The following GRM1 variants were observed in gnomAD, a reference collection of about 807,000 sequenced individuals.
GRM1 encodes the protein glutamate metabotropic receptor 1.
GRM1 carries 33 observed loss-of-function variants against 90.9 expected under a neutral mutation model. The ratio of observed to expected loss-of-function variants is 0.36; its 90% CI spans 0.28 to 0.49. The LOEUF is 0.49. Among genes scored for constraint, GRM1 ranks in the 20% least tolerant of loss-of-function variants. The probability of loss-of-function intolerance (pLI) is 0.99; values close to 1 mark genes in which losing one functional copy is unlikely to be tolerated. For synonymous variants in GRM1, 700 were observed against 613.2 expected (o/e 1.14, Z -2.09); for missense variants, 1,190 against 1,534.3 (o/e 0.78, Z 3.75).
chr6:146,414,704 C>A (rs1440256168), intron 7 of GRM1, among the ~76,000 whole-genome samples: 1 of 152,124 alleles, frequency 6.6e-6, no homozygotes, highest in Admixed American at 6.6e-5. Context: ...ACCTGGCCTG[C>A]CTTTTATTAT....
chr6:146,179,623 C>T (rs2038133), intron 2 of GRM1, among the ~76,000 whole-genome samples: 37,233 of 151,970 alleles, frequency 0.25, 7,897 homozygotes, highest in African/African-American at 0.58. Flanking sequence ...ACGCCATTCT[C>T]CTGCCTCAGC....
chr6:146,191,505 G>C (rs758823994), intron 2 of GRM1, among the ~76,000 whole-genome samples: 3 of 152,150 alleles, frequency 2.0e-5, no homozygotes, highest in Non-Finnish European at 4.4e-5. Flanking sequence ...TATTAAAAGT[G>C]GATTTGATTT....
chr6:146,109,418 G>C lies in GRM1; in HGVS notation c.701-49930G>C, dbSNP rs374813519. Among the ~76,000 whole-genome samples the C allele has an allele frequency of 3.3e-5, 5 of 152,320 alleles. No homozygotes were observed. In the East Asian group the frequency reaches 9.7e-4, roughly 29 times the overall value. On this transcript the variant is annotated intron_variant, in intron 1 of 7. Coordinates refer to ENST00000282753, the MANE Select transcript of GRM1 (RefSeq NM_001278064.2). ...CTTGGCAGCTTCCACCTGGTGTTTT[G>C]TTGAGCCTGCGAGTGCACAGAAGTC...
intron 2 of GRM1, among the ~76,000 whole-genome samples, chr6:146,181,199 G>T (rs1000386707): frequency 7.9e-5 from 12 of 151,668 alleles, no homozygotes; most frequent in African/African-American, 2.9e-4. Flanking sequence ...TTGGAAAGAG[G>T]CTAGGAAACT....
Position 146,214,082 on chromosome 6 carries a change from A to G in GRM1, c.950+54485A>G, listed in dbSNP as rs138260675. ...ATTTTTTTGCTCTATCCTGGGTCTC[A>G]GCTAATTGAATGGTGCCTGGCCACT... is the stretch of plus-strand genomic sequence containing the variant. On this transcript the variant is annotated intron_variant, in intron 2 of 7. Transcript: ENST00000282753. Among the ~76,000 whole-genome samples, 8 of 152,212 alleles carry G rather than the reference A, an allele frequency of 5.3e-5. No homozygotes were observed. In the East Asian group the frequency reaches 1.6e-3, roughly 29 times the overall value.
At chr6:146,370,870 C>T (rs927816637) in intron 5 of GRM1, among the ~76,000 whole-genome samples, 5 of 152,050 alleles carry the variant, frequency 3.3e-5, no homozygotes, top group African/African-American at 1.2e-4. Context: ...TATAGAGTGC[C>T]TAGCACATAG....
intron 1 of GRM1, among the ~76,000 whole-genome samples, chr6:146,064,006 G>A (rs1301906910): frequency 1.3e-5 from 2 of 152,066 alleles, no homozygotes; most frequent in Non-Finnish European, 2.9e-5. Context: ...TTCATATTTA[G>A]ATAACTAGAA....
chr6:146,184,527 C>T (rs567006998), intron 2 of GRM1, among the ~76,000 whole-genome samples: 2 of 151,958 alleles, frequency 1.3e-5, no homozygotes, highest in Non-Finnish European at 2.9e-5. Context: ...ATCAGAGTTT[C>T]GTTACTTAAC....
In GRM1 at chr6:146,043,685, A is replaced by G. The variant is rs9497447; in HGVS notation, c.700+13468A>G. Among the ~76,000 whole-genome samples, 532 of 151,102 alleles carry G rather than the reference A, an allele frequency of 3.5e-3. 3 individuals carry two copies. The highest frequency in any genetic ancestry group is 0.012 in the African/African-American group (513 of 41,350). On this transcript the variant is annotated intron_variant, in intron 1 of 7. Transcript: ENST00000282753. ...ACAGAATATATTCTAGCTTATGTGC[A>G]TAGATACTAGCTTCTTCCACCTTAC...
chr6:146,151,707 TCA>T (rs199904606), intron 1 of GRM1, among the ~76,000 whole-genome samples: 2,268 of 152,314 alleles, frequency 0.015, 33 homozygotes, highest in South Asian at 0.045. Context: ...TTTAGAGAAC[TCA>T]GAGTTGCAGC....
intron 2 of GRM1, among the ~76,000 whole-genome samples, chr6:146,208,235 G>T (rs1237676879): frequency 1.3e-5 from 2 of 152,138 alleles, no homozygotes; most frequent in African/African-American, 4.8e-5. Context: ...CATGATCCTT[G>T]TTGGTAACCC....
intron 5 of GRM1, among the ~76,000 whole-genome samples, chr6:146,373,521 A>G (rs1036696396): frequency 1.4e-4 from 21 of 152,064 alleles, no homozygotes; most frequent in South Asian, 2.1e-4. Context: ...CCATGAGTCA[A>G]TCGCCTCCCA....
chr6:146,343,424 A>C (rs1785052874), intron 3 of GRM1, among the ~76,000 whole-genome samples: 1 of 152,114 alleles, frequency 6.6e-6, no homozygotes, highest in Admixed American at 6.6e-5. Flanking sequence ...TATCTACATA[A>C]ATTATTTGAA....
intron 1 of GRM1, among the ~76,000 whole-genome samples, chr6:146,084,630 A>G (rs186888226): frequency 6.6e-6 from 1 of 152,160 alleles, no homozygotes; most frequent in Admixed American, 6.5e-5. Flanking sequence ...GTTCTTTTGC[A>G]TTTGCTAAGG....
At chr6:146,262,879 TAAAC>T (rs1562565530) in intron 2 of GRM1, among the ~76,000 whole-genome samples, 1 of 151,858 alleles carries the variant, frequency 6.6e-6, no homozygotes, top group Admixed American at 6.6e-5. Context: ...AATTTAATAA[TAAAC>T]AAAGGCAAAT....
rs17075811 is a variant in GRM1, at chr6:146,245,656, T to C, written c.951-58955T>C. Among the ~76,000 whole-genome samples the C allele has an allele frequency of 3.9e-3, 596 of 152,286 alleles. 19 individuals carry two copies. The East Asian group carries it at 0.094, about 24-fold the overall frequency. On this transcript the variant is annotated intron_variant, in intron 2 of 7. Coordinates refer to ENST00000282753, the MANE Select transcript of GRM1 (RefSeq NM_001278064.2). ...AAACATATAGTGAATACATTCATTT[T>C]CTCAGAGTGCCTACACTTCATAATT...
At chr6:146,119,161 T>A (rs1775882119) in intron 1 of GRM1, among the ~76,000 whole-genome samples, 1 of 152,222 alleles carries the variant, frequency 6.6e-6, no homozygotes, top group South Asian at 2.1e-4. Flanking sequence ...TATCTCATTG[T>A]GGTTTTGATT....
intron 5 of GRM1, among the ~76,000 whole-genome samples, chr6:146,382,539 AG>A (rs1356524813): frequency 1.3e-5 from 2 of 152,088 alleles, no homozygotes; most frequent in East Asian, 3.9e-4. Context: ...AGTGACATGG[AG>A]GGTTTTATGT....
Position 146,029,998 on chromosome 6 carries a change from G to A in GRM1, c.481G>A (p.Gly161Ser). 6.2e-7 allele frequency: 1 copy of A among 1,614,108 alleles called. No individual in the cohort carries two copies. The highest frequency in any genetic ancestry group is 8.5e-7 in the Non-Finnish European group (1 of 1,179,982). ...TAAGAAGCCCATTGCGGGAGTGATC[G>A]GTCCCGGCTCCAGCTCTGTAGCCAT... ...RTKKPIAGVI[G>S]PGSSSVAIQV... The change falls in exon 1 of 8, where the codon GGT becomes AGT. Residue 161 changes from glycine (G) to serine (S), a missense_variant. Coordinates refer to ENST00000282753, the MANE Select transcript of GRM1 (RefSeq NM_001278064.2).
Sources: gnomAD v4.1 joint callset for allele counts (sites outside exome capture counted in the v4.1 genomes callset) on GRCh38, gnomAD v4.1.1 for gene constraint, MANE v1.5 for transcripts, NCBI Gene and HGNC (gene_info 2026-07-23, HGNC 2026-07-21) for gene names.